The following VEPH1 variants were observed in gnomAD, a reference collection of about 807,000 sequenced individuals.
The protein encoded by VEPH1 is ventricular zone expressed PH domain containing 1.
A neutral mutation model predicts 85.2 loss-of-function variants in VEPH1; 80 were observed. The ratio of observed to expected loss-of-function variants is 0.94; its 90% CI spans 0.78 to 1.13. The LOEUF is 1.13. VEPH1 is among the 50% of genes most tolerant of loss of function. The probability of loss-of-function intolerance (pLI) is 0.00; values close to 1 mark genes in which losing one functional copy is unlikely to be tolerated. For synonymous variants in VEPH1, 297 were observed against 348.0 expected (o/e 0.85, Z 1.63); for missense variants, 955 against 980.5 (o/e 0.97, Z 0.35).
chr3:157,420,119 CGAT>C (rs1732215025), intron 5 of VEPH1, among the ~76,000 whole-genome samples: 1 of 148,810 alleles, frequency 6.7e-6, no homozygotes, highest in Non-Finnish European at 1.5e-5. Flanking sequence ...GGGAGGTGAA[CGAT>C]GAGAATACAA....
At chr3:157,316,980 A>G (rs551761580) in intron 10 of VEPH1, 82 bp downstream of exon 10, 2 of 1,439,836 alleles carry the variant, frequency 1.4e-6, no homozygotes, top group East Asian at 2.4e-5. Flanking sequence ...AACTCTGGCC[A>G]AAGAATAATT....
At chr3:157,313,164 A>G (rs1442212624) in intron 11 of VEPH1, among the ~76,000 whole-genome samples, 2 of 151,722 alleles carry the variant, frequency 1.3e-5, no homozygotes, top group African/African-American at 2.4e-5. Flanking sequence ...TCGGCCTCCC[A>G]AAGTGCTGGG....
At chr3:157,354,699 G>C (rs1725239550) in intron 9 of VEPH1, among the ~76,000 whole-genome samples, 1 of 151,818 alleles carries the variant, frequency 6.6e-6, no homozygotes, top group Admixed American at 6.6e-5. Flanking sequence ...TTTTGTTCTT[G>C]GTCCATATCA....
intron 9 of VEPH1, among the ~76,000 whole-genome samples, chr3:157,331,296 G>GA (rs1292981136): frequency 6.6e-6 from 1 of 152,190 alleles, no homozygotes; most frequent in Non-Finnish European, 1.5e-5. Flanking sequence ...CAATGCAAGT[G>GA]AGCCACACTC....
chr3:157,495,811 A>T (rs1739617453), intron 1 of VEPH1, among the ~76,000 whole-genome samples: 1 of 152,186 alleles, frequency 6.6e-6, no homozygotes, highest in African/African-American at 2.4e-5. Flanking sequence ...AACAACAATC[A>T]TGCCTAACAC....
chr3:157,296,773 G>A (rs1012195894), intron 11 of VEPH1, among the ~76,000 whole-genome samples: 11 of 152,318 alleles, frequency 7.2e-5, no homozygotes, highest in African/African-American at 2.6e-4. Context: ...AGATTTTGGA[G>A]TCAGAAGATC....
chr3:157,376,560 A>G (rs1728135715), intron 7 of VEPH1, among the ~76,000 whole-genome samples: 1 of 152,240 alleles, frequency 6.6e-6, no homozygotes, highest in South Asian at 2.1e-4. Context: ...TTTAAAAAAT[A>G]TAAATGCTTT....
chr3:157,297,102 CA>C (rs1301563226), intron 11 of VEPH1, among the ~76,000 whole-genome samples: 1 of 151,288 alleles, frequency 6.6e-6, no homozygotes, highest in Non-Finnish European at 1.5e-5. Context: ...GACCCCATCT[CA>C]AAAAAAAGCA....
At chr3:157,477,513 C>T (rs1159129532) in intron 2 of VEPH1, among the ~76,000 whole-genome samples, 1 of 152,120 alleles carries the variant, frequency 6.6e-6, no homozygotes, top group African/African-American at 2.4e-5. Flanking sequence ...CAGCCTACCA[C>T]AGAGATGATG....
intron 5 of VEPH1, among the ~76,000 whole-genome samples, chr3:157,418,394 G>A (rs1732082420): frequency 6.6e-6 from 1 of 152,144 alleles, no homozygotes; most frequent in East Asian, 1.9e-4. Flanking sequence ...CTTGAGGATA[G>A]GGCCATCTGA....
chr3:157,493,553 A>G (rs1345125484), intron 2 of VEPH1, among the ~76,000 whole-genome samples: 1 of 152,234 alleles, frequency 6.6e-6, no homozygotes, highest in Non-Finnish European at 1.5e-5. Context: ...GGTTACAGAT[A>G]GAGAAATGGA....
chr3:157,395,035 C>G (rs1222447248), intron 6 of VEPH1, among the ~76,000 whole-genome samples: 1 of 152,142 alleles, frequency 6.6e-6, no homozygotes, highest in African/African-American at 2.4e-5. Flanking sequence ...TTCTCTCAAG[C>G]CAGCTGCTTC....
intron 4 of VEPH1, among the ~76,000 whole-genome samples, chr3:157,451,659 C>T (rs1361790387): frequency 1.3e-5 from 2 of 152,098 alleles, no homozygotes; most frequent in African/African-American, 4.8e-5. Flanking sequence ...CAAATGGATG[C>T]ATATAATACA....
chr3:157,489,098 A>AT, intron 2 of VEPH1: 1 of 456,190 alleles, frequency 2.2e-6, no homozygotes. Context: ...GCTTCTTCTT[A>AT]TCTGAATTAT....
chr3:157,276,292 C>G (rs558804762), intron 12 of VEPH1, among the ~76,000 whole-genome samples: 1 of 152,174 alleles, frequency 6.6e-6, no homozygotes. Flanking sequence ...TTCAGAAATA[C>G]GGTGTTGTAA....
chr3:157,340,940 C>T (rs893080285), intron 9 of VEPH1, among the ~76,000 whole-genome samples: 12 of 152,210 alleles, frequency 7.9e-5, no homozygotes, highest in African/African-American at 2.4e-4. Flanking sequence ...CCAGCAAACT[C>T]CAACAGACCT....
chr3:157,356,459 C>G (rs1486381087), intron 9 of VEPH1, among the ~76,000 whole-genome samples: 1 of 152,148 alleles, frequency 6.6e-6, no homozygotes, highest in Admixed American at 6.5e-5. Flanking sequence ...CCTGGACTCT[C>G]AATTGCTAAC....
At chr3:157,377,025 C>A (rs375914102) in intron 7 of VEPH1, among the ~76,000 whole-genome samples, 41 of 152,204 alleles carry the variant, frequency 2.7e-4, no homozygotes, top group African/African-American at 9.9e-4. Flanking sequence ...GAAGGGTATT[C>A]AAGGAAAAGA....
chr3:157,324,570 G>A (rs760575841), intron 9 of VEPH1, among the ~76,000 whole-genome samples: 9 of 151,766 alleles, frequency 5.9e-5, no homozygotes, highest in African/African-American at 1.2e-4. Flanking sequence ...CTTTTTATAC[G>A]TGAGAACATG....
Sources: gnomAD v4.1 joint callset for allele counts (sites outside exome capture counted in the v4.1 genomes callset) on GRCh38, gnomAD v4.1.1 for gene constraint, MANE v1.5 for transcripts, NCBI Gene and HGNC (gene_info 2026-07-23, HGNC 2026-07-21) for gene names.